The following THSD4 variants were observed in gnomAD, a reference collection of about 807,000 sequenced individuals.
The protein encoded by THSD4 is thrombospondin type-1 domain-containing protein 4.
Under a neutral mutation model 119.0 loss-of-function variants are expected in THSD4, and 69 were observed. The observed-to-expected ratio is 0.58, with a 90% CI of 0.48 to 0.71. The LOEUF is 0.71. Among genes scored for constraint, THSD4 ranks in the 30% least tolerant of loss-of-function variants. The pLI is 0.00. For synonymous variants in THSD4, 524 were observed against 540.4 expected, an observed-to-expected ratio of 0.97 and a Z score of 0.42; for missense variants, 1,393 against 1,391.1, an observed-to-expected ratio of 1.00 and a Z score of -0.02.
intron 7 of THSD4, among the ~76,000 whole-genome samples, chr15:71,493,223 T>C (rs923093325): frequency 1.3e-5 from 2 of 152,212 alleles, no homozygotes; most frequent in African/African-American, 4.8e-5. Context: ...GAATGGCGGA[T>C]TTTTTTGTGA....
chr15:71,476,379 C>T (rs1356554336), intron 7 of THSD4, among the ~76,000 whole-genome samples: 3 of 152,114 alleles, frequency 2.0e-5, no homozygotes, highest in Non-Finnish European at 2.9e-5. Flanking sequence ...TTACTAGTAG[C>T]GGGAGGCACC....
chr15:71,656,655 C>T lies in THSD4; in HGVS notation c.1153-3875C>T, dbSNP rs576894751. 4.5e-4 allele frequency among the ~76,000 whole-genome samples: 68 copies of T among 152,308 alleles called. 3 individuals carry two copies. In the South Asian group the frequency reaches 0.013, roughly 29 times the overall value. ...AAGCTAGAACCCTCAACACGACCTC[C>T]GATCCTTTGACCTCCGACTTTTACC... On this transcript the variant is annotated intron_variant, in intron 7 of 17. Coordinates refer to ENST00000261862, the MANE Select transcript of THSD4 (RefSeq NM_024817.3).
intron 6 of THSD4, among the ~76,000 whole-genome samples, chr15:71,314,941 T>C (rs1342538929): frequency 6.6e-6 from 1 of 152,246 alleles, no homozygotes; most frequent in East Asian, 1.9e-4. Context: ...TCTTATCTAG[T>C]TTAAAACAGT....
rs553815858 is a variant in THSD4 at position 71,453,722 on chromosome 15, G to A, written c.1152+41899G>A. Among the ~76,000 whole-genome samples, 8 of 152,220 alleles carry A rather than the reference G, an allele frequency of 5.3e-5. No homozygotes were observed. In the South Asian group the frequency reaches 6.2e-4, roughly 12 times the overall value. Reference sequence around the variant, plus strand: ...GACACTGAGGGATGTGGGTATGTGCGGTTTTAAAGATTTTCTGATGAGAAT... The same window carrying A: ...GACACTGAGGGATGTGGGTATGTGCAGTTTTAAAGATTTTCTGATGAGAAT... On this transcript the variant is annotated intron_variant, in intron 7 of 17. Coordinates refer to ENST00000261862, the MANE Select transcript of THSD4 (RefSeq NM_024817.3).
chr15:71,647,612 C>T (rs1452286834), intron 7 of THSD4, among the ~76,000 whole-genome samples: 1 of 152,160 alleles, frequency 6.6e-6, no homozygotes, highest in Non-Finnish European at 1.5e-5. Context: ...AATGACGTCG[C>T]CCAAGGAACC....
chr15:71,454,843 A>G (rs188947476), intron 7 of THSD4, among the ~76,000 whole-genome samples: 95 of 152,332 alleles, frequency 6.2e-4, no homozygotes, highest in African/African-American at 2.2e-3. Flanking sequence ...TTACTAAGAC[A>G]TGCTAAATTG....
At chr15:71,691,201 C>T (rs1174694420) in intron 8 of THSD4, among the ~76,000 whole-genome samples, 1 of 152,194 alleles carries the variant, frequency 6.6e-6, no homozygotes, top group African/African-American at 2.4e-5. Flanking sequence ...TCCCCTAAAG[C>T]TTCCGTAAAG....
chr15:71,300,108 G>A (rs530064827), intron 6 of THSD4, among the ~76,000 whole-genome samples: 6 of 150,790 alleles, frequency 4.0e-5, no homozygotes, highest in Non-Finnish European at 8.9e-5. Context: ...CTATGACTGC[G>A]CCACTGACTC....
intron 7 of THSD4, among the ~76,000 whole-genome samples, chr15:71,579,403 A>G (rs1371916794): frequency 3.9e-5 from 6 of 152,200 alleles, no homozygotes; most frequent in Admixed American, 6.5e-5. Context: ...GCAGAAGCCT[A>G]TGGAGTTCCG....
intron 6 of THSD4, among the ~76,000 whole-genome samples, chr15:71,351,952 C>T (rs1415166906): frequency 6.6e-6 from 1 of 152,228 alleles, no homozygotes; most frequent in Admixed American, 6.5e-5. Flanking sequence ...ACCATGCACA[C>T]TTTGCCTGCC....
At chr15:71,154,999 C>G in intron 3 of THSD4, 67 bp downstream of exon 3, 1 of 1,504,118 alleles carries the variant, frequency 6.6e-7, no homozygotes, top group African/African-American at 1.4e-5. Context: ...GGTCACTGCC[C>G]TGAACTTTGT....
intron 7 of THSD4, among the ~76,000 whole-genome samples, chr15:71,520,056 T>G (rs965202934): frequency 2.6e-5 from 4 of 152,226 alleles, no homozygotes; most frequent in Non-Finnish European, 5.9e-5. Flanking sequence ...CTGCAATAAC[T>G]TGTTTAGTCC....
At chr15:71,123,871 G>A (rs1036846275) in intron 1 of THSD4, among the ~76,000 whole-genome samples, 1 of 152,218 alleles carries the variant, frequency 6.6e-6, no homozygotes, top group Admixed American at 6.5e-5. Flanking sequence ...GAATAAATGT[G>A]GAGCGTGCAT....
intron 7 of THSD4, among the ~76,000 whole-genome samples, chr15:71,463,492 A>C (rs1324353657): frequency 6.6e-6 from 1 of 152,204 alleles, no homozygotes; most frequent in Non-Finnish European, 1.5e-5. Context: ...AGACTTTGCT[A>C]AATGCCTGAT....
chr15:71,278,263 A>G (rs191803436), intron 6 of THSD4, among the ~76,000 whole-genome samples: 1 of 152,228 alleles, frequency 6.6e-6, no homozygotes, highest in African/African-American at 2.4e-5. Context: ...TGGCATGATC[A>G]TGGCTCATTG....
chr15:71,363,498 T>C (rs1366979840), intron 6 of THSD4, among the ~76,000 whole-genome samples: 3 of 152,226 alleles, frequency 2.0e-5, no homozygotes, highest in Non-Finnish European at 4.4e-5. Context: ...ATGAGCATAC[T>C]GTGTTTCTAG....
At chr15:71,543,926 G>A (rs868726449) in intron 7 of THSD4, among the ~76,000 whole-genome samples, 7 of 152,206 alleles carry the variant, frequency 4.6e-5, no homozygotes, top group Non-Finnish European at 7.3e-5. Flanking sequence ...TACTCGGGAG[G>A]CTGAGGCAGG....
chr15:71,757,652 T>C (rs1009159714), intron 14 of THSD4, among the ~76,000 whole-genome samples: 2 of 151,856 alleles, frequency 1.3e-5, no homozygotes, highest in Non-Finnish European at 2.9e-5. Flanking sequence ...CAAGTATAAG[T>C]GTATTAATTG....
chr15:71,644,184 A>C (rs1164690134), intron 7 of THSD4, among the ~76,000 whole-genome samples: 1 of 152,178 alleles, frequency 6.6e-6, no homozygotes, highest in Admixed American at 6.5e-5. Context: ...ATTGTGGTTA[A>C]ACCAGATGAT....
Sources: gnomAD v4.1 joint callset for allele counts (sites outside exome capture counted in the v4.1 genomes callset) on GRCh38, gnomAD v4.1.1 for gene constraint, MANE v1.5 for transcripts, NCBI Gene and HGNC (gene_info 2026-07-23, HGNC 2026-07-21) for gene names.